COL12A1: variants seen among roughly 807,000 people sequenced by gnomAD.
COL12A1 encodes collagen alpha-1(XII) chain.
Under a neutral mutation model 349.7 loss-of-function variants are expected in COL12A1, and 114 were observed. That is an observed-to-expected ratio of 0.33 (90% CI 0.28 to 0.38). The LOEUF is 0.38. COL12A1 is among the 10% of genes least tolerant of loss of function. The probability of loss-of-function intolerance (pLI) is 1.00; values close to 1 mark genes in which losing one functional copy is unlikely to be tolerated. For missense variants in COL12A1, 3,284 were observed against 3,756.9 expected (o/e 0.87, Z 3.29); for synonymous variants, 1,369 against 1,329.0 (o/e 1.03, Z -0.66).
At chr6:75,138,394 T>G in intron 29 of COL12A1, 54 bp from the exon 30 acceptor site, 1 of 1,607,162 alleles carries the variant, frequency 6.2e-7, no homozygotes, top group East Asian at 2.2e-5. Context: ...TAGCCCTATT[T>G]TTTAAAAATT....
chr6:75,175,198 T>C lies in COL12A1; in HGVS notation c.2550A>G (p.Pro850=), dbSNP rs1034702356. ...CCTCTTGAGTTTCACCCCCTGCCAC[T>C]GGGGTATATGTGACGAGATACTGTT... The part of the protein sequence containing the change: ...KVKQYLVTYT[P]VAGGETQEVT... Residue 850 remains proline, a synonymous_variant, in exon 13 of 66, where the codon CCA becomes CCG. Transcript: ENST00000322507. The C allele has an allele frequency of 3.1e-6, 5 of 1,614,168 alleles. No individual in the cohort carries two copies. The highest frequency in any genetic ancestry group is 1.3e-5 in the African/African-American group (1 of 75,036).
intron 10 of COL12A1, among the ~76,000 whole-genome samples, chr6:75,181,865 G>A (rs896236065): frequency 7.2e-5 from 11 of 151,764 alleles, no homozygotes; most frequent in African/African-American, 1.5e-4. Context: ...TGAGGCAGGT[G>A]GATCACCTGA....
intron 53 of COL12A1, 135 bp downstream of exon 53, chr6:75,106,284 G>T: frequency 1.4e-6 from 1 of 702,386 alleles, no homozygotes; most frequent in Non-Finnish European, 2.4e-6. Flanking sequence ...TAGCTGGTGA[G>T]CACCCACACA....
Position 75,175,050 on chromosome 6 carries a change from T to G in COL12A1, c.2698A>C (p.Thr900Pro), listed in dbSNP as rs1236334371. ...TGATGGTAATTACCTTCAAGTGTTGTTCCTTCACCAAAGAGGGCGTCTCCA... is the reference window on the plus strand; with the variant it reads ...TGATGGTAATTACCTTCAAGTGTTGGTCCTTCACCAAAGAGGGCGTCTCCA... ...GAGDALFGEGTTLEERGSPQD... is the reference protein window; with the variant it reads ...GAGDALFGEGPTLEERGSPQD... Residue 900 changes from threonine to proline, a missense_variant, in exon 13 of 66, where the codon ACA (threonine) becomes CCA (proline). Around this residue, in one of 2 missense-constraint regions of COL12A1, gnomAD observed 2,601 missense variants for 2,824.8 expected, o/e 0.92. Transcript: ENST00000322507. 6.2e-7 allele frequency: 1 copy of G among 1,614,064 alleles called. No homozygotes were observed. The highest frequency in any genetic ancestry group is 8.5e-7 in the Non-Finnish European group (1 of 1,179,988).
intron 9 of COL12A1, 95 bp downstream of exon 9, chr6:75,183,758 CA>C: frequency 1.3e-6 from 2 of 1,541,622 alleles, no homozygotes; most frequent in African/African-American, 1.4e-5. Flanking sequence ...AAAACTATTG[CA>C]AATATTTCAT....
chr6:75,091,323 C>A lies in COL12A1; in HGVS notation c.8752G>T (p.Gly2918Cys). Residue 2918 changes from glycine to cysteine, a missense_variant and splice_region_variant, in exon 62 of 66, where the codon GGT (glycine) becomes TGT (cysteine). Gly to Cys is a radical substitution (Grantham distance 159). Around this residue, in one of 2 missense-constraint regions of COL12A1, gnomAD observed 683 missense variants for 932.1 expected, o/e 0.73. Coordinates refer to ENST00000322507, the MANE Select transcript of COL12A1 (RefSeq NM_004370.6). ...ARQVCEQLIS[G>C]QMNRFNQMLN... ...ACAGTAAAAAGAAAAGAAATTTTACCACTTATCAATTGTTCACAGACTTGT... is the reference window on the plus strand; with the variant it reads ...ACAGTAAAAAGAAAAGAAATTTTACAACTTATCAATTGTTCACAGACTTGT... The A allele has an allele frequency of 6.2e-7, 1 of 1,611,024 alleles. No homozygotes were observed. Among genetic ancestry groups the A allele is most frequent in the Non-Finnish European group, 8.5e-7 (1 of 1,179,096 alleles).
chr6:75,130,765 CA>C, intron 36 of COL12A1, 86 bp downstream of exon 36: 1 of 1,543,668 alleles, frequency 6.5e-7, no homozygotes, highest in Non-Finnish European at 8.8e-7. Context: ...CATCTCTCAC[CA>C]CCCCCCTCCC....
chr6:75,117,264 T>A (rs1206404830), intron 47 of COL12A1, 118 bp downstream of exon 47: 1 of 997,748 alleles, frequency 1.0e-6, no homozygotes, highest in East Asian at 2.5e-5. Context: ...GGTTCTCAAG[T>A]GATTTCCCAG....
At chr6:75,203,568 CTGTT>C (rs771568807) in intron 1 of COL12A1, among the ~76,000 whole-genome samples, 18 of 152,170 alleles carry the variant, frequency 1.2e-4, no homozygotes, top group Non-Finnish European at 2.2e-4. Flanking sequence ...TTGTATTTAA[CTGTT>C]TATTTAAGCT....
chr6:75,124,129 T>C, intron 41 of COL12A1, 35 bp from the exon 42 acceptor site: 1 of 1,600,664 alleles, frequency 6.2e-7, no homozygotes, highest in Non-Finnish European at 8.5e-7. Flanking sequence ...GCCAGTGTCA[T>C]CACCAATTAT....
At chr6:75,145,064 A>G (rs1416056115) in intron 25 of COL12A1, among the ~76,000 whole-genome samples, 1 of 152,230 alleles carries the variant, frequency 6.6e-6, no homozygotes, top group Non-Finnish European at 1.5e-5. Context: ...GCCAAGAGCA[A>G]TAATAGTAAG....
chr6:75,133,694 C>A (rs1004363932), intron 33 of COL12A1, among the ~76,000 whole-genome samples, 164 bp downstream of exon 33: 3 of 152,100 alleles, frequency 2.0e-5, no homozygotes, highest in Non-Finnish European at 2.9e-5. Flanking sequence ...CCCTCTGTTA[C>A]CCAGGCTCTA....
intron 54 of COL12A1, among the ~76,000 whole-genome samples, chr6:75,104,029 C>CAA: frequency 6.6e-6 from 1 of 152,050 alleles, no homozygotes; most frequent in Non-Finnish European, 1.5e-5. Context: ...TTTCAAATTT[C>CAA]AAATTTTCAT....
intron 3 of COL12A1, among the ~76,000 whole-genome samples, chr6:75,193,389 A>T (rs1213938052): frequency 5.9e-5 from 9 of 152,160 alleles, no homozygotes; most frequent in Non-Finnish European, 1.0e-4. Context: ...TCATCTTTTT[A>T]AAAAAAGCTA....
intron 37 of COL12A1, among the ~76,000 whole-genome samples, chr6:75,128,708 G>C (rs1766146657): frequency 6.6e-6 from 1 of 152,146 alleles, no homozygotes; most frequent in Admixed American, 6.5e-5. Context: ...GCAATGCCAT[G>C]TGTGCTTCAG....
At position 75,113,239 on chromosome 6, in the gene COL12A1, C is replaced by T. The variant is rs1384761865; in HGVS notation, c.7915G>A (p.Glu2639Lys). Residue 2639 changes from glutamate (E) to lysine (K), a missense_variant, in exon 51 of 66, where the codon GAA becomes AAA. Around this residue, in one of 2 missense-constraint regions of COL12A1, gnomAD observed 683 missense variants for 932.1 expected, o/e 0.73. Transcript: ENST00000322507. Reference sequence around the variant, plus strand: ...CTTCCATAAAATAATGTCTTTACTTCTTCTGTGTCAAATGTAACAGTTTGC... The same window carrying T: ...CTTCCATAAAATAATGTCTTTACTTTTTCTGTGTCAAATGTAACAGTTTGC... ...EVQTVTFDTEEVKTLFYGSFH... is the reference protein window; with the variant it reads ...EVQTVTFDTEKVKTLFYGSFH... The T allele has an allele frequency of 3.2e-6, 5 of 1,564,070 alleles. No homozygotes were observed. The highest frequency in any genetic ancestry group is 3.5e-6 in the Non-Finnish European group (4 of 1,157,406).
At position 75,183,626 on chromosome 6, in the gene COL12A1, C is replaced by T. The variant is rs1197358409; in HGVS notation, c.1315G>A (p.Ala439Thr). Reference sequence around the variant, plus strand: ...CCATCAACCAAAAACACAATATCGGCTTTTATATCCACACCACGTGAGCAT... The same window carrying T: ...CCATCAACCAAAAACACAATATCGGTTTTTATATCCACACCACGTGAGCAT... ...VECSRGVDIK[A>T]DIVFLVDGSY... Residue 439 changes from alanine to threonine, a missense_variant, in exon 10 of 66, where the codon GCC becomes ACC. By Grantham distance (58) the Ala-to-Thr change is moderately conservative (BLOSUM62 0). Transcript: ENST00000322507. 1 of 1,611,580 alleles carries T rather than the reference C, an allele frequency of 6.2e-7. No individual in the cohort carries two copies. The highest frequency in any genetic ancestry group is 1.1e-5 in the South Asian group (1 of 90,410).
At chr6:75,120,373 T>C (rs1286195730) in intron 44 of COL12A1, among the ~76,000 whole-genome samples, 1 of 152,202 alleles carries the variant, frequency 6.6e-6, no homozygotes, top group Non-Finnish European at 1.5e-5. Flanking sequence ...TTGTTTGTGG[T>C]TTATTTCAAA....
Position 75,084,676 on chromosome 6 carries a change from G to GTA in COL12A1, c.*1869_*1870dup, listed in dbSNP as rs1767393486. 1 of 155,036 alleles carries GTA rather than the reference G, an allele frequency of 6.5e-6. No individual in the cohort carries two copies. Among genetic ancestry groups the GTA allele is most frequent in the South Asian group, 2.0e-4 (1 of 5,032 alleles). The allele number at this position is 155,036 out of a possible 1,614,324, so 9.6% of individuals were successfully genotyped here. On this transcript the variant is annotated 3_prime_UTR_variant, in exon 66 of 66. Transcript: ENST00000322507. ...TAAGGTTTGTGGTTGTTAAAGAGAT[G>GTA]TATACGAGCATTCTATGCCCCGGCG...
Sources: allele counts gnomAD v4.1 joint callset (sites outside exome capture counted in the v4.1 genomes callset), GRCh38; gene constraint gnomAD v4.1.1; regional missense constraint gnomAD v4.1.1; transcripts MANE v1.5; gene names NCBI Gene and HGNC (gene_info 2026-07-23, HGNC 2026-07-21).